Variants in CSMD1 observed in about 807,000 individuals in gnomAD.
CSMD1 encodes CUB and sushi domain-containing protein 1.
CSMD1 carries 213 observed loss-of-function variants against 417.5 expected under a neutral mutation model. The observed-to-expected ratio is 0.51, with a 90% CI of 0.46 to 0.57. The LOEUF (loss-of-function observed/expected upper bound fraction) is 0.57. Among genes scored for constraint, CSMD1 ranks in the 20% least tolerant of loss-of-function variants. CSMD1 has a pLI of 0.00. For missense variants in CSMD1, 6,923 were observed against 4,529.7 expected (o/e 1.53, Z -15.17); for synonymous variants, 2,862 against 1,736.8 (o/e 1.65, Z -16.11).
chr8:3,350,519 T>A (rs1721122841), intron 21 of CSMD1, among the ~76,000 whole-genome samples: 1 of 152,028 alleles, frequency 6.6e-6, no homozygotes, highest in Non-Finnish European at 1.5e-5. Context: ...TTTTAAAAAA[T>A]ATCCTAAATA....
rs534892201 is a variant in CSMD1 at position 4,157,602 on chromosome 8, T to C, written c.416-125503A>G. On this transcript the variant is annotated intron_variant, in intron 3 of 69. Transcript: ENST00000635120. ...GACCCTCTGCCGGTCATGTAACAAATGCAAATCTTTCACGCAGAGTTGATT... is the reference window on the plus strand; with the variant it reads ...GACCCTCTGCCGGTCATGTAACAAACGCAAATCTTTCACGCAGAGTTGATT... 2.6e-5 allele frequency among the ~76,000 whole-genome samples: 4 copies of C among 152,292 alleles called. No individual in the cohort carries two copies. In the East Asian group the frequency reaches 7.7e-4, roughly 29 times the overall value.
intron 22 of CSMD1, among the ~76,000 whole-genome samples, chr8:3,344,384 A>T (rs933163795): frequency 1.3e-5 from 2 of 152,214 alleles, no homozygotes; most frequent in Non-Finnish European, 2.9e-5. Context: ...AAGGTGCAGC[A>T]AATCACCATG....
intron 5 of CSMD1, among the ~76,000 whole-genome samples, chr8:3,938,169 A>G (rs1019314645): frequency 6.6e-6 from 1 of 152,158 alleles, no homozygotes; most frequent in African/African-American, 2.4e-5. Flanking sequence ...TGTGTCAATA[A>G]AAGTTGGGCA....
intron 3 of CSMD1, among the ~76,000 whole-genome samples, chr8:4,407,981 C>T (rs975311140): frequency 6.6e-6 from 1 of 152,148 alleles, no homozygotes; most frequent in African/African-American, 2.4e-5. Context: ...CGGCAAAAAT[C>T]ACAGGAGAAA....
At chr8:4,095,953 C>T (rs1387845495) in intron 3 of CSMD1, among the ~76,000 whole-genome samples, 2 of 152,006 alleles carry the variant, frequency 1.3e-5, no homozygotes, top group African/African-American at 4.8e-5. Context: ...AGATTCATGC[C>T]TAAAAGAAGG....
intron 1 of CSMD1, among the ~76,000 whole-genome samples, chr8:4,852,703 G>A (rs572691374): frequency 2.6e-5 from 4 of 152,284 alleles, no homozygotes; most frequent in African/African-American, 7.2e-5. Context: ...GAAGATGAGG[G>A]AAAGTTTGGA....
intron 1 of CSMD1, among the ~76,000 whole-genome samples, chr8:4,923,207 A>T (rs1806616261): frequency 6.6e-6 from 1 of 152,330 alleles, no homozygotes; most frequent in Non-Finnish European, 1.5e-5. Flanking sequence ...CAATAGTTAC[A>T]TAATAGTAGA....
At chr8:3,091,744 C>CGTAGACTCCAG in intron 47 of CSMD1, 82 bp from the exon 48 acceptor site, 1 of 1,282,500 alleles carries the variant, frequency 7.8e-7, no homozygotes, top group Non-Finnish European at 1.1e-6. Context: ...TTTGATTACA[C>CGTAGACTCCAG]TGGAGTCTAC....
chr8:4,498,238 C>A (rs1585168163), intron 2 of CSMD1, among the ~76,000 whole-genome samples: 1 of 152,152 alleles, frequency 6.6e-6, no homozygotes, highest in Non-Finnish European at 1.5e-5. Flanking sequence ...TGACTCAACT[C>A]TTGCTTAGCT....
intron 2 of CSMD1, among the ~76,000 whole-genome samples, chr8:4,622,453 A>C (rs1801838153): frequency 6.6e-6 from 1 of 152,070 alleles, no homozygotes; most frequent in Non-Finnish European, 1.5e-5. Flanking sequence ...GTCACTGGAT[A>C]CCCTGCACAA....
chr8:3,931,491 C>T (rs960684309), intron 5 of CSMD1, among the ~76,000 whole-genome samples: 1 of 150,004 alleles, frequency 6.7e-6, no homozygotes, highest in Admixed American at 6.6e-5. Flanking sequence ...TTTTAAAAGG[C>T]ATAAAAGCTC....
At chr8:3,810,982 C>G (rs953097788) in intron 5 of CSMD1, among the ~76,000 whole-genome samples, 2 of 152,154 alleles carry the variant, frequency 1.3e-5, no homozygotes, top group Admixed American at 1.3e-4. Context: ...AGTACAAGTA[C>G]TTTAAAGCTA....
chr8:4,641,708 G>A (rs765869324), intron 1 of CSMD1, among the ~76,000 whole-genome samples: 3 of 152,116 alleles, frequency 2.0e-5, no homozygotes, highest in Non-Finnish European at 4.4e-5. Context: ...CCTCATGTAT[G>A]GTGATCGAGT....
intron 5 of CSMD1, among the ~76,000 whole-genome samples, chr8:3,764,604 C>T (rs1268362485): frequency 6.6e-6 from 1 of 151,990 alleles, no homozygotes; most frequent in African/African-American, 2.4e-5. Flanking sequence ...ATGGCAGTTT[C>T]CTTGGAGATG....
chr8:4,518,397 T>C (rs1017069227), intron 2 of CSMD1, among the ~76,000 whole-genome samples: 1 of 152,148 alleles, frequency 6.6e-6, no homozygotes, highest in Non-Finnish European at 1.5e-5. Context: ...TAAAAAACTA[T>C]ATTGAACACT....
intron 2 of CSMD1, among the ~76,000 whole-genome samples, chr8:4,420,728 T>C (rs1457017881): frequency 6.6e-6 from 1 of 152,122 alleles, no homozygotes; most frequent in East Asian, 1.9e-4. Context: ...CAATAGGCTG[T>C]GAGCCGTCTA....
intron 2 of CSMD1, among the ~76,000 whole-genome samples, chr8:4,425,600 C>A (rs1228957068): frequency 6.6e-6 from 1 of 152,128 alleles, no homozygotes; most frequent in African/African-American, 2.4e-5. Context: ...GAAAGTACTT[C>A]TGTGAGTATC....
intron 10 of CSMD1, among the ~76,000 whole-genome samples, chr8:3,539,310 C>T (rs1798341411): frequency 6.6e-6 from 1 of 152,140 alleles, no homozygotes; most frequent in South Asian, 2.1e-4. Flanking sequence ...ACCTCCCACC[C>T]CCAAGCCAAT....
chr8:3,546,987 C>T (rs551313067), intron 10 of CSMD1, among the ~76,000 whole-genome samples: 2 of 152,148 alleles, frequency 1.3e-5, no homozygotes, highest in African/African-American at 4.8e-5. Flanking sequence ...AAGAGCAAAA[C>T]TGAACAGCGT....
Sources: gnomAD v4.1 joint callset for allele counts (sites outside exome capture counted in the v4.1 genomes callset) on GRCh38, gnomAD v4.1.1 for gene constraint, MANE v1.5 for transcripts, NCBI Gene and HGNC (gene_info 2026-07-23, HGNC 2026-07-21) for gene names.